The following OTUD4 variants were observed in gnomAD, a reference collection of about 807,000 sequenced individuals.
OTUD4 encodes the protein OTU domain-containing protein 4.
OTUD4 carries 24 observed loss-of-function variants against 130.4 expected under a neutral mutation model. The ratio of observed to expected loss-of-function variants is 0.18; its 90% CI spans 0.13 to 0.26. OTUD4 has a LOEUF of 0.26. Ranked by LOEUF, OTUD4 falls within the 10% of genes least tolerant of loss-of-function variation. OTUD4 has a pLI of 1.00. For missense variants in OTUD4, 1,031 were observed against 1,329.4 expected, an observed-to-expected ratio of 0.78 and a Z score of 3.49; for synonymous variants, 420 against 472.5, an observed-to-expected ratio of 0.89 and a Z score of 1.44.
chr4:145,149,088 T>TC lies in OTUD4; in HGVS notation c.1259+1424dup, dbSNP rs1390769472. On this transcript the variant is annotated intron_variant, in intron 13 of 20. Coordinates refer to ENST00000447906, the MANE Select transcript of OTUD4 (RefSeq NM_001366057.1). ...CACATGACCTTATTTAGAAATAGGG[T>TC]CTTCTCAGATGTAATCAAGTTAAGG... Among the ~76,000 whole-genome samples, 4 of 152,156 alleles carry TC rather than the reference T, an allele frequency of 2.6e-5. No individual in the cohort carries two copies. The East Asian group carries it at 7.7e-4, about 29-fold the overall frequency.
rs758758021 is a variant in OTUD4, at chr4:145,150,712, C to A, written c.1073-13G>T. 1 of 1,606,148 alleles carries A rather than the reference C, an allele frequency of 6.2e-7. No homozygotes were observed. Among genetic ancestry groups the A allele is most frequent in the African/African-American group, 1.3e-5 (1 of 74,712 alleles). Reference sequence around the variant, plus strand: ...CTGTAATCCACATCTGTTGTAAGAACCCAAAAGTACATGATAATATTCATA... The same window carrying A: ...CTGTAATCCACATCTGTTGTAAGAAACCAAAAGTACATGATAATATTCATA... On this transcript the variant is annotated splice_polypyrimidine_tract_variant and intron_variant, in intron 12 of 20. Transcript: ENST00000447906.
chr4:145,148,792 T>C (rs963821906), intron 13 of OTUD4, among the ~76,000 whole-genome samples: 3 of 152,184 alleles, frequency 2.0e-5, no homozygotes, highest in African/African-American at 4.8e-5. Flanking sequence ...CTTCCTATAG[T>C]TACTTTATAT....
chr4:145,176,297 TA>T (rs1045316219), intron 1 of OTUD4, among the ~76,000 whole-genome samples: 44 of 144,606 alleles, frequency 3.0e-4, no homozygotes, highest in Admixed American at 4.1e-4. Context: ...GGTTATGGTT[TA>T]AAAAAAAAAA....
At chr4:145,179,768 G>A in intron 1 of OTUD4, 47 bp downstream of exon 1, 1 of 1,426,654 alleles carries the variant, frequency 7.0e-7, no homozygotes, top group South Asian at 1.3e-5. Context: ...GACCCGCCGG[G>A]CCGTCCCCGC....
In OTUD4 at chr4:145,146,171, AT is replaced by A. The variant is rs1289944721; in HGVS notation, c.1422+95del. The A allele has an allele frequency of 4.2e-6, 3 of 722,040 alleles. No individual in the cohort carries two copies. The African/African-American group carries it at 5.5e-5, about 13-fold the overall frequency. The allele number at this position is 722,040 out of a possible 1,614,324, so 44.7% of individuals were successfully genotyped here. A position where few individuals can be genotyped will look rare whatever the true frequency, so the allele number is the denominator to read the frequency against. On this transcript the variant is annotated intron_variant, in intron 14 of 20. Coordinates refer to ENST00000447906, the MANE Select transcript of OTUD4 (RefSeq NM_001366057.1). ...TCTTTAAAGTATTTAGAGTTTAAAA[AT>A]TATTAGTTTACCCTTGGGAACTATG...
At chr4:145,166,963 T>C (rs1579282463) in intron 3 of OTUD4, among the ~76,000 whole-genome samples, 1 of 152,278 alleles carries the variant, frequency 6.6e-6, no homozygotes, top group East Asian at 1.9e-4. Flanking sequence ...AAGTAAATCA[T>C]GGGAAAATAA....
chr4:145,159,068 T>C, intron 7 of OTUD4: 4 of 811,956 alleles, frequency 4.9e-6, no homozygotes, highest in Non-Finnish European at 6.1e-6. Context: ...CACATACTTA[T>C]AACCCCAACT....
rs1432638441 is a variant in OTUD4 at position 145,179,862 on chromosome 4, G to T, written c.112C>A (p.Leu38Met). The T allele has an allele frequency of 5.4e-6, 8 of 1,485,208 alleles. No homozygotes were observed. In the Middle Eastern group the frequency reaches 8.9e-4, roughly 166 times the overall value. 92.0% of individuals were successfully genotyped at this position (1,485,208 alleles called of 1,614,324 possible). A position where few individuals can be genotyped will look rare whatever the true frequency, so the allele number is the denominator to read the frequency against. Reference protein sequence around the residue: ...YLRKLGLYRKLVAKDGSCLFR... With the variant: ...YLRKLGLYRKMVAKDGSCLFR... ...AGGCACGACCCGTCCTTGGCGACCA[G>T]TTTCCGATACAAGCCCAGTTTCCGC... is the stretch of plus-strand genomic sequence containing the variant. The change falls in exon 1 of 21, where the codon CTG becomes ATG. Residue 38 changes from leucine to methionine, a missense_variant. Transcript: ENST00000447906.
chr4:145,179,738 C>G, intron 1 of OTUD4, 77 bp downstream of exon 1: 1 of 1,456,154 alleles, frequency 6.9e-7, no homozygotes, highest in Non-Finnish European at 9.0e-7. Flanking sequence ...CCGGACAGCC[C>G]GCAGCTGCCT....
In OTUD4 at chr4:145,137,102, A is replaced by G. The variant is rs911962220; in HGVS notation, c.*328T>C. 5 of 199,154 alleles carry G rather than the reference A, an allele frequency of 2.5e-5. No individual in the cohort carries two copies. The highest frequency in any genetic ancestry group is 1.2e-4 in the African/African-American group (5 of 42,896). The allele number at this position is 199,154 out of a possible 1,614,324, so 12.3% of individuals were successfully genotyped here. ...TCTGAAATCAAACTTATAAACTTATAAGGAAAAAAGCCAAACACTAAATCT... is the reference window on the plus strand; with the variant it reads ...TCTGAAATCAAACTTATAAACTTATGAGGAAAAAAGCCAAACACTAAATCT... On this transcript the variant is annotated 3_prime_UTR_variant, in exon 21 of 21. Coordinates refer to ENST00000447906, the MANE Select transcript of OTUD4 (RefSeq NM_001366057.1).
At chr4:145,144,274 T>A in intron 15 of OTUD4, 37 bp downstream of exon 15, 2 of 1,596,392 alleles carry the variant, frequency 1.3e-6, no homozygotes, top group Non-Finnish European at 1.7e-6. Flanking sequence ...TCTAAAGAGA[T>A]CTCTAGCATC....
chr4:145,137,236 T>G lies in OTUD4; in HGVS notation c.*194A>C, dbSNP rs113568028. 21 of 464,788 alleles carry G rather than the reference T, an allele frequency of 4.5e-5. 1 individual carries two copies. In the South Asian group the frequency reaches 1.0e-3, roughly 23 times the overall value. The allele number at this position is 464,788 out of a possible 1,614,324, so 28.8% of individuals were successfully genotyped here. A position where few individuals can be genotyped will look rare whatever the true frequency, so the allele number is the denominator to read the frequency against. ...CAAACAGATTCTGAATGAAGAAAACTGGCAATGCCAGGAATTAACCTGCCC... is the reference window on the plus strand; with the variant it reads ...CAAACAGATTCTGAATGAAGAAAACGGGCAATGCCAGGAATTAACCTGCCC... On this transcript the variant is annotated 3_prime_UTR_variant, in exon 21 of 21. Transcript: ENST00000447906.
intron 8 of OTUD4, 25 bp from the exon 9 acceptor site, chr4:145,155,711 C>G: frequency 1.4e-6 from 2 of 1,439,636 alleles, no homozygotes; most frequent in South Asian, 1.2e-5. Flanking sequence ...GAAGTCCAAT[C>G]AACACATAAG....
chr4:145,146,501 C>CAA (rs369472707), intron 13 of OTUD4, 72 bp from the exon 14 acceptor site: 211 of 593,658 alleles, frequency 3.6e-4, no homozygotes, highest in Middle Eastern at 6.0e-4. Flanking sequence ...ACATTCTTGT[C>CAA]AAAAAAAAAA....
intron 6 of OTUD4, among the ~76,000 whole-genome samples, chr4:145,161,429 G>A (rs147122255): frequency 7.2e-5 from 11 of 152,260 alleles, no homozygotes; most frequent in African/African-American, 2.2e-4. Flanking sequence ...TATCTTTACT[G>A]GTTACCACTA....
In OTUD4 at chr4:145,144,383, T is replaced by C. The variant is rs1412964795; in HGVS notation, c.1474A>G (p.Arg492Gly). The stretch of plus-strand genomic sequence containing the variant: ...CTATCACCTACATGTGATGATTTTC[T>C]CTGGACACATGGATTGCTACTCTGA... ...ASQSSNPCVQRKSSHVGDRKG... is the reference protein window; with the variant it reads ...ASQSSNPCVQGKSSHVGDRKG... The change falls in exon 15 of 21, where the codon AGA becomes GGA. Residue 492 changes from arginine (R) to glycine (G), a missense_variant. By Grantham distance (125) the Arg-to-Gly change is moderately radical. Around this residue, in one of 3 missense-constraint regions of OTUD4, gnomAD observed 900 missense variants for 1,095.9 expected, o/e 0.82. Coordinates refer to ENST00000447906, the MANE Select transcript of OTUD4 (RefSeq NM_001366057.1). The C allele has an allele frequency of 6.2e-7, 1 of 1,612,734 alleles. No individual in the cohort carries two copies. Among genetic ancestry groups the C allele is most frequent in the Non-Finnish European group, 8.5e-7 (1 of 1,179,130 alleles).
Position 145,134,473 on chromosome 4 carries a change from T to C in OTUD4, c.*2957A>G. ...ACCAGAAATGGTTAGAAAGGAACTT[T>C]ATTGCACCAAGTCAATCATAAGCAA... On this transcript the variant is annotated 3_prime_UTR_variant, in exon 21 of 21. Coordinates refer to ENST00000447906, the MANE Select transcript of OTUD4 (RefSeq NM_001366057.1). 1 of 382,184 alleles carries C rather than the reference T, an allele frequency of 2.6e-6. No individual in the cohort carries two copies. Among genetic ancestry groups the C allele is most frequent in the Non-Finnish European group, 4.6e-6 (1 of 215,968 alleles). The allele number at this position is 382,184 out of a possible 1,614,324, so 23.7% of individuals were successfully genotyped here.
At chr4:145,155,220 C>T (rs1751229622) in intron 10 of OTUD4, among the ~76,000 whole-genome samples, 191 bp downstream of exon 10, 2 of 152,146 alleles carry the variant, frequency 1.3e-5, no homozygotes, top group South Asian at 4.1e-4. Flanking sequence ...TAGATACATA[C>T]AATTTTAGCA....
At position 145,135,677 on chromosome 4, in the gene OTUD4, C is replaced by G. The variant is rs931218799; in HGVS notation, c.*1753G>C. The G allele has an allele frequency of 6.6e-6, 1 of 152,574 alleles. No individual in the cohort carries two copies. The highest frequency in any genetic ancestry group is 1.5e-5 in the Non-Finnish European group (1 of 68,010). The allele number at this position is 152,574 out of a possible 1,614,324, so 9.5% of individuals were successfully genotyped here. On this transcript the variant is annotated 3_prime_UTR_variant, in exon 21 of 21. Coordinates refer to ENST00000447906, the MANE Select transcript of OTUD4 (RefSeq NM_001366057.1). ...TCTCAAGAAAAGTTTTCCACACAAC[C>G]ATCCCAGTCTTTACAATTTTTTACC...
Sources: allele counts gnomAD v4.1 joint callset (sites outside exome capture counted in the v4.1 genomes callset), GRCh38; gene constraint gnomAD v4.1.1; regional missense constraint gnomAD v4.1.1; transcripts MANE v1.5; gene names NCBI Gene and HGNC (gene_info 2026-07-23, HGNC 2026-07-21).